Variants in RASGRP3 observed in about 807,000 individuals in gnomAD.
RASGRP3 encodes RAS guanyl releasing protein 3.
In RASGRP3, 54 loss-of-function variants were observed where a neutral mutation model predicts 82.7. The ratio of observed to expected loss-of-function variants is 0.65; its 90% confidence interval spans 0.52 to 0.82. RASGRP3 has a LOEUF of 0.82. Among genes scored for constraint, RASGRP3 ranks in the 40% least tolerant of loss-of-function variants. RASGRP3 has a pLI of 0.00. For synonymous variants in RASGRP3, 309 were observed against 300.5 expected (o/e 1.03, Z -0.29); for missense variants, 861 against 828.9 (o/e 1.04, Z -0.48).
chr2:33,453,356 C>A (rs1222845024), intron 2 of RASGRP3, among the ~76,000 whole-genome samples: 1 of 152,138 alleles, frequency 6.6e-6, no homozygotes, highest in African/African-American at 2.4e-5. Flanking sequence ...TACATTCATG[C>A]ATGGATAGTT....
rs1175101163 is a variant in RASGRP3 at position 33,563,769 on chromosome 2, C to G, written c.*1032C>G. ...CTGCCTTCCACAATTAAAGAATACT[C>G]ATAGAAAGAAAATAATCATAAATCA... is the stretch of plus-strand genomic sequence containing the variant. On this transcript the variant is annotated 3_prime_UTR_variant, in exon 18 of 18. Transcript: ENST00000403687. The G allele has an allele frequency of 6.6e-6, 1 of 151,994 alleles. No homozygotes were observed. The highest frequency in any genetic ancestry group is 1.5e-5 in the Non-Finnish European group (1 of 68,022). 9.4% of individuals were successfully genotyped at this position (151,994 alleles called of 1,614,324 possible).
At chr2:33,527,555 A>G in intron 10 of RASGRP3, 143 bp downstream of exon 10, 1 of 888,090 alleles carries the variant, frequency 1.1e-6, no homozygotes, top group Non-Finnish European at 1.7e-6. Flanking sequence ...CTCATAGAAC[A>G]AGGGAAAAGG....
chr2:33,548,511 T>C (rs562803215), intron 13 of RASGRP3, among the ~76,000 whole-genome samples: 1 of 151,894 alleles, frequency 6.6e-6, no homozygotes, highest in African/African-American at 2.4e-5. Context: ...GAGCATAACC[T>C]GGAAGGAGGA....
intron 6 of RASGRP3, among the ~76,000 whole-genome samples, chr2:33,521,125 C>T (rs1309645735): frequency 6.6e-6 from 1 of 152,178 alleles, no homozygotes; most frequent in Non-Finnish European, 1.5e-5. Flanking sequence ...GGAATCTGCA[C>T]TTTAAAGATC....
intron 15 of RASGRP3, among the ~76,000 whole-genome samples, chr2:33,557,958 T>G (rs746584288): frequency 2.7e-4 from 41 of 152,120 alleles, no homozygotes; most frequent in Non-Finnish European, 4.3e-4. Context: ...GCACAATTGC[T>G]CATTAGGTCC....
intron 2 of RASGRP3, among the ~76,000 whole-genome samples, chr2:33,453,313 A>G (rs1441138139): frequency 1.3e-5 from 2 of 152,184 alleles, no homozygotes; most frequent in South Asian, 2.1e-4. Flanking sequence ...AGGGTTTTTG[A>G]TCTCAACTGG....
chr2:33,520,832 G>C (rs566189260), intron 6 of RASGRP3, 148 bp downstream of exon 6: 33 of 1,041,756 alleles, frequency 3.2e-5, no homozygotes, highest in Non-Finnish European at 4.2e-5. Context: ...AGCGCAAGCC[G>C]TATGGGACAC....
intron 1 of RASGRP3, among the ~76,000 whole-genome samples, chr2:33,442,820 A>C (rs1385977883): frequency 6.6e-6 from 1 of 152,134 alleles, no homozygotes; most frequent in Non-Finnish European, 1.5e-5. Context: ...AGCTTTATTC[A>C]TGTAGCGATT....
intron 1 of RASGRP3, among the ~76,000 whole-genome samples, chr2:33,509,713 T>C (rs1670747338): frequency 6.6e-6 from 1 of 152,222 alleles, no homozygotes; most frequent in African/African-American, 2.4e-5. Flanking sequence ...TTTAATTCTT[T>C]GCTAGACTAT....
rs1472304239 is a variant in RASGRP3, at chr2:33,553,122, C to T, written c.1543-2409C>T. Reference sequence around the variant, plus strand: ...TTTTTCAGCAGTTCCTGCAGCAATGCTAATAATGTAACATATCTGGATATT... The same window carrying T: ...TTTTTCAGCAGTTCCTGCAGCAATGTTAATAATGTAACATATCTGGATATT... On this transcript the variant is annotated intron_variant, in intron 14 of 17. Coordinates refer to ENST00000403687, the MANE Select transcript of RASGRP3 (RefSeq NM_001139488.2). Among the ~76,000 whole-genome samples, 28 of 150,174 alleles carry T rather than the reference C, an allele frequency of 1.9e-4. No individual in the cohort carries two copies. In the Admixed American group the frequency reaches 1.9e-3, roughly 10 times the overall value.
chr2:33,515,364 C>A (rs1048529572), intron 3 of RASGRP3, among the ~76,000 whole-genome samples, 158 bp downstream of exon 3: 1 of 152,084 alleles, frequency 6.6e-6, no homozygotes, highest in Non-Finnish European at 1.5e-5. Context: ...GTTTCACTGC[C>A]CTCCATATTT....
intron 2 of RASGRP3, among the ~76,000 whole-genome samples, chr2:33,462,022 A>C (rs2150900266): frequency 6.6e-6 from 1 of 152,376 alleles, no homozygotes; most frequent in South Asian, 2.1e-4. Context: ...CCTGGTAATT[A>C]AAGTGAAGAG....
intron 1 of RASGRP3, among the ~76,000 whole-genome samples, chr2:33,509,673 C>A (rs1670744924): frequency 6.6e-6 from 1 of 152,142 alleles, no homozygotes; most frequent in South Asian, 2.1e-4. Flanking sequence ...CTGCTCTGTG[C>A]TCCATAAGAT....
chr2:33,466,312 G>A (rs1666691023), intron 2 of RASGRP3, among the ~76,000 whole-genome samples: 1 of 152,144 alleles, frequency 6.6e-6, no homozygotes, highest in Non-Finnish European at 1.5e-5. Context: ...GAGGAGGTCC[G>A]ATTATTGACA....
At chr2:33,478,278 G>A (rs1667557273) in intron 1 of RASGRP3, among the ~76,000 whole-genome samples, 1 of 152,166 alleles carries the variant, frequency 6.6e-6, no homozygotes, top group East Asian at 1.9e-4. Context: ...TGGCCAATGA[G>A]GAAAAATAGT....
At chr2:33,555,668 AT>A in intron 15 of RASGRP3, 101 bp downstream of exon 15, 2 of 1,091,260 alleles carry the variant, frequency 1.8e-6, no homozygotes, top group South Asian at 2.8e-5. Flanking sequence ...ATTATTCGGA[AT>A]TTCAGTCTTT....
intron 9 of RASGRP3, among the ~76,000 whole-genome samples, 164 bp from the exon 10 acceptor site, chr2:33,526,972 CT>C (rs1057261836): frequency 6.6e-6 from 1 of 152,164 alleles, no homozygotes; most frequent in Non-Finnish European, 1.5e-5. Context: ...AGGCCTAGTA[CT>C]TTTTCTAACT....
chr2:33,487,617 T>C (rs773846835), intron 1 of RASGRP3, among the ~76,000 whole-genome samples: 3 of 152,180 alleles, frequency 2.0e-5, no homozygotes, highest in Non-Finnish European at 4.4e-5. Context: ...AATATCTTCC[T>C]ATTACCCTCA....
chr2:33,478,874 GTATT>G (rs1667619817), intron 1 of RASGRP3, among the ~76,000 whole-genome samples: 4 of 152,210 alleles, frequency 2.6e-5, no homozygotes, highest in African/African-American at 7.2e-5. Context: ...CTAAACAAGT[GTATT>G]TATTTTCATA....
Sources: gnomAD v4.1 joint callset for allele counts (sites outside exome capture counted in the v4.1 genomes callset) on GRCh38, gnomAD v4.1.1 for gene constraint, MANE v1.5 for transcripts, NCBI Gene and HGNC (gene_info 2026-07-23, HGNC 2026-07-21) for gene names.